MALRD1: variants seen among roughly 807,000 people sequenced by gnomAD.
MALRD1 encodes MAM and LDL-receptor class A domain-containing protein 1.
A neutral mutation model predicts 242.1 loss-of-function variants in MALRD1; 247 were observed. The observed-to-expected ratio is 1.02, with a 90% confidence interval of 0.92 to 1.13. The LOEUF (loss-of-function observed/expected upper bound fraction) is 1.13, where lower values mean the gene tolerates loss of function less well. Among genes scored for constraint, MALRD1 ranks in the 50% most tolerant of loss-of-function variants. The pLI, the probability that MALRD1 is intolerant of heterozygous loss-of-function variation, is 0.00. For missense variants in MALRD1, 2,989 were observed against 2,533.1 expected, an observed-to-expected ratio of 1.18 and a Z score of -3.86; for synonymous variants, 995 against 866.6, an observed-to-expected ratio of 1.15 and a Z score of -2.60.
At chr10:19,387,038 T>C (rs1438949260) in intron 26 of MALRD1, among the ~76,000 whole-genome samples, 1 of 152,168 alleles carries the variant, frequency 6.6e-6, no homozygotes, top group African/African-American at 2.4e-5. Flanking sequence ...TAGTTATATA[T>C]GCATAGCCGT....
At chr10:19,707,543 G>A (rs964824331) in intron 38 of MALRD1, among the ~76,000 whole-genome samples, 3 of 152,178 alleles carry the variant, frequency 2.0e-5, no homozygotes, top group Non-Finnish European at 4.4e-5. Context: ...GAGGGCATAA[G>A]CCTGTTCAGA....
At chr10:19,302,556 C>A (rs945908191) in intron 21 of MALRD1, among the ~76,000 whole-genome samples, 1 of 151,658 alleles carries the variant, frequency 6.6e-6, no homozygotes, top group African/African-American at 2.4e-5. Flanking sequence ...ATTTTTATTG[C>A]ATTGATATGA....
chr10:19,691,746 T>A (rs925315970), intron 36 of MALRD1, among the ~76,000 whole-genome samples: 4 of 152,146 alleles, frequency 2.6e-5, no homozygotes, highest in Non-Finnish European at 5.9e-5. Flanking sequence ...CCCTTGTAAG[T>A]GTCTGAGAAT....
chr10:19,119,002 A>G (rs147147589), intron 5 of MALRD1, among the ~76,000 whole-genome samples: 185 of 152,310 alleles, frequency 1.2e-3, no homozygotes, highest in African/African-American at 4.3e-3. Context: ...TTAAGAAGTT[A>G]CTAAGATGAT....
At chr10:19,052,077 T>A (rs1261263288) in intron 1 of MALRD1, 1 of 429,832 alleles carries the variant, frequency 2.3e-6, no homozygotes, top group African/African-American at 2.1e-5. Flanking sequence ...CATGGTGGAT[T>A]CAAGAGCCAT....
intron 21 of MALRD1, among the ~76,000 whole-genome samples, chr10:19,320,320 G>A (rs996490471): frequency 6.6e-6 from 1 of 151,922 alleles, no homozygotes; most frequent in Admixed American, 6.6e-5. Flanking sequence ...AACATGCAGC[G>A]TTTGGTTTTC....
chr10:19,112,794 A>C (rs990363392), intron 5 of MALRD1, among the ~76,000 whole-genome samples: 19 of 152,338 alleles, frequency 1.2e-4, no homozygotes, highest in African/African-American at 4.6e-4. Flanking sequence ...TGGAATAAGC[A>C]AATATATTTG....
chr10:19,387,752 C>T lies in MALRD1; in HGVS notation c.4666C>T (p.His1556Tyr), dbSNP rs541454303. 3.2e-5 allele frequency: 50 copies of T among 1,548,530 alleles called. No individual in the cohort carries two copies. In the South Asian group the frequency reaches 5.6e-4, roughly 17 times the overall value. Residue 1556 changes from histidine to tyrosine, a missense_variant, in exon 27 of 40, where the codon CAC becomes TAC. His to Tyr is a moderately conservative substitution (Grantham distance 83). Transcript: ENST00000454679. ...SHQSLRPPKD[H>Y]TLGNENGHFM... ...TCAAAGCTTAAGACCTCCCAAAGAC[C>T]ACACACTTGGAAATGAAAATGGTAG... is the stretch of plus-strand genomic sequence containing the variant.
chr10:19,533,980 T>C (rs1164280153), intron 32 of MALRD1, among the ~76,000 whole-genome samples: 1 of 152,138 alleles, frequency 6.6e-6, no homozygotes, highest in Non-Finnish European at 1.5e-5. Context: ...TGTAGGAACA[T>C]AGACTAGGCT....
chr10:19,632,109 T>C (rs1292123829), intron 36 of MALRD1, among the ~76,000 whole-genome samples: 3 of 152,126 alleles, frequency 2.0e-5, no homozygotes, highest in Admixed American at 6.5e-5. Context: ...GAACAACACA[T>C]TGAGGCTCCA....
chr10:19,388,516 C>T (rs1205845497), intron 27 of MALRD1, among the ~76,000 whole-genome samples: 1 of 152,146 alleles, frequency 6.6e-6, no homozygotes, highest in African/African-American at 2.4e-5. Context: ...TTCAGATTTT[C>T]AAATTCCTCA....
chr10:19,073,112 A>G (rs1426581556), intron 2 of MALRD1, among the ~76,000 whole-genome samples: 1 of 151,932 alleles, frequency 6.6e-6, no homozygotes, highest in Non-Finnish European at 1.5e-5. Flanking sequence ...ATGGGATTTC[A>G]CCATGTTGGC....
At chr10:19,080,529 A>G (rs1184889297) in intron 2 of MALRD1, among the ~76,000 whole-genome samples, 2 of 152,114 alleles carry the variant, frequency 1.3e-5, no homozygotes, top group East Asian at 1.9e-4. Context: ...AGGATTCCCT[A>G]TTTAACAAAT....
chr10:19,238,402 TTATGTA>T (rs1241078913), intron 18 of MALRD1, among the ~76,000 whole-genome samples: 4 of 84,304 alleles, frequency 4.7e-5, no homozygotes, highest in Non-Finnish European at 8.6e-5. Context: ...ATGTTATATA[TTATGTA>T]TAATATATAA....
At chr10:19,159,090 T>C (rs1834287103) in intron 12 of MALRD1, among the ~76,000 whole-genome samples, 1 of 152,164 alleles carries the variant, frequency 6.6e-6, no homozygotes, top group Non-Finnish European at 1.5e-5. Flanking sequence ...AGATTAATCA[T>C]TTAAACCGGA....
At chr10:19,613,181 A>G (rs1477374208) in intron 35 of MALRD1, among the ~76,000 whole-genome samples, 1 of 151,996 alleles carries the variant, frequency 6.6e-6, no homozygotes, top group Non-Finnish European at 1.5e-5. Flanking sequence ...GACTTGAGGA[A>G]AAACCCTGAA....
At chr10:19,096,803 TTAAAAATGTC>T (rs1280416180) in intron 4 of MALRD1, among the ~76,000 whole-genome samples, 1 of 152,176 alleles carries the variant, frequency 6.6e-6, no homozygotes, top group African/African-American at 2.4e-5. Flanking sequence ...CATCCTTCCT[TTAAAAATGTC>T]CAAATAGGCG....
intron 34 of MALRD1, among the ~76,000 whole-genome samples, chr10:19,596,758 A>AGAAAG (rs1238259200): frequency 6.6e-6 from 1 of 151,350 alleles, no homozygotes; most frequent in African/African-American, 2.4e-5. Flanking sequence ...AGAAAAGAAA[A>AGAAAG]GAACGAAAGA....
chr10:19,609,832 A>G (rs1838808404), intron 35 of MALRD1, among the ~76,000 whole-genome samples: 1 of 152,068 alleles, frequency 6.6e-6, no homozygotes, highest in African/African-American at 2.4e-5. Flanking sequence ...GCTAAGGTGA[A>G]ACTATAATTA....
Sources: allele counts gnomAD v4.1 joint callset (sites outside exome capture counted in the v4.1 genomes callset), GRCh38; gene constraint gnomAD v4.1.1; transcripts MANE v1.5; gene names NCBI Gene and HGNC (gene_info 2026-07-23, HGNC 2026-07-21).